The following AGAP3 variants were observed in gnomAD, a reference collection of about 807,000 sequenced individuals.
AGAP3 encodes arf-GAP with GTPase, ANK repeat and PH domain-containing protein 3.
Under a neutral mutation model 96.9 loss-of-function variants are expected in AGAP3, and 24 were observed. The observed-to-expected ratio is 0.25, with a 90% CI of 0.18 to 0.35. The LOEUF is 0.35. AGAP3 is among the 10% of genes least tolerant of loss of function. The pLI, the probability that AGAP3 is intolerant of heterozygous loss-of-function variation, is 1.00. For synonymous variants in AGAP3, 563 were observed against 536.1 expected, an observed-to-expected ratio of 1.05 and a Z score of -0.69; for missense variants, 876 against 1,254.2, an observed-to-expected ratio of 0.70 and a Z score of 4.55.
intron 11 of AGAP3, among the ~76,000 whole-genome samples, chr7:151,135,732 A>G (rs965475038): frequency 2.0e-5 from 3 of 152,200 alleles, no homozygotes. Context: ...GATGTACCCT[A>G]TGCAGTGGAT....
At position 151,129,226 on chromosome 7, in the gene AGAP3, C is replaced by T. The variant is rs370901482; in HGVS notation, c.1326+542C>T. Among the ~76,000 whole-genome samples the T allele has an allele frequency of 8.3e-4, 127 of 152,188 alleles. 1 individual carries two copies. The highest frequency in any genetic ancestry group is 2.8e-3 in the African/African-American group (116 of 41,500). On this transcript the variant is annotated intron_variant, in intron 10 of 17. Coordinates refer to ENST00000397238, the MANE Select transcript of AGAP3 (RefSeq NM_031946.7). ...CCCCACCCTTCTTTCCTCCCCTCCC[C>T]TCACCGCGTGGCTCCAGCACACAGC...
rs1405319082 is a variant in AGAP3 at position 151,142,142 on chromosome 7, GTC to G, written c.1960-16_1960-15del. 2 of 1,612,762 alleles carry G rather than the reference GTC, an allele frequency of 1.2e-6. No homozygotes were observed. The highest frequency in any genetic ancestry group is 1.1e-5 in the South Asian group (1 of 90,936). On this transcript the variant is annotated intron_variant, in intron 14 of 17. Transcript: ENST00000397238. The surrounding 1 kb of genome is among the most constrained non-coding windows in gnomAD (Gnocchi z 7.5). ...TGACTGACCAACCGCCCCTTGTCTT[GTC>G]TCTCCTGCTGTGCGACAGACTCGAC...
intron 1 of AGAP3, among the ~76,000 whole-genome samples, chr7:151,097,639 G>C (rs6970547): frequency 0.81 from 123,248 of 152,004 alleles, 50,361 homozygotes; most frequent in East Asian, 0.98. Context: ...AGCTTTTTAC[G>C]GGTGGCAGAA....
rs997986237 is a variant in AGAP3, at chr7:151,141,616, C to A, written c.1805-282C>A. ...ACCCCTCTCTGGTTTCACACCCATT[C>A]CCGGCAGTGCCAGGGGTGCCAAGAT... On this transcript the variant is annotated intron_variant, in intron 13 of 17. Coordinates refer to ENST00000397238, the MANE Select transcript of AGAP3 (RefSeq NM_031946.7). The surrounding 1 kb of genome is among the most constrained non-coding windows in gnomAD (Gnocchi z 4.2). The A allele has an allele frequency of 4.4e-6, 2 of 454,714 alleles. No homozygotes were observed. The highest frequency in any genetic ancestry group is 4.1e-6 in the Non-Finnish European group (1 of 246,656). 28.2% of individuals were successfully genotyped at this position (454,714 alleles called of 1,614,324 possible). A position where few individuals can be genotyped will look rare whatever the true frequency, so the allele number is the denominator to read the frequency against.
chr7:151,140,115 A>G lies in AGAP3; in HGVS notation c.1803A>G (p.Glu601=). The G allele has an allele frequency of 6.3e-7, 1 of 1,584,860 alleles. No homozygotes were observed. The highest frequency in any genetic ancestry group is 8.6e-7 in the Non-Finnish European group (1 of 1,166,882). Residue 601 remains glutamate, a splice_region_variant and synonymous_variant, in exon 13 of 18, where the codon GAA becomes GAG. Coordinates refer to ENST00000397238, the MANE Select transcript of AGAP3 (RefSeq NM_031946.7). This position sits in a 1 kb window ranked among gnomAD's most constrained non-coding sequence, Gnocchi z 5.4. ...PRPDGPSSAT[E]EAEESFEFVV... ...CAGACGGCCCCAGCAGTGCTACTGAAGGTTAGGGGGACCCAGAGGGAAACC... is the reference window on the plus strand; with the variant it reads ...CAGACGGCCCCAGCAGTGCTACTGAGGGTTAGGGGGACCCAGAGGGAAACC...
At position 151,116,821 on chromosome 7, in the gene AGAP3, G is replaced by T. The variant is rs146303814; in HGVS notation, c.360G>T (p.Thr120=). The T allele has an allele frequency of 1.2e-6, 2 of 1,614,104 alleles. No individual in the cohort carries two copies. The highest frequency in any genetic ancestry group is 3.3e-5 in the Admixed American group (2 of 60,024). The change falls in exon 2 of 18, where the codon ACG becomes ACT. Residue 120 remains threonine, a synonymous_variant. Coordinates refer to ENST00000397238, the MANE Select transcript of AGAP3 (RefSeq NM_031946.7). ...EDSFVNSQEW[T]LSRSVPELKV... is the part of the protein sequence containing the mutation. ...CGTTTGTGAACAGCCAGGAGTGGAC[G>T]CTGAGCCGCTCCGTACCGGAGCTTA... is the stretch of plus-strand genomic sequence containing the variant.
chr7:151,087,108 A>G, intron 1 of AGAP3, 36 bp downstream of exon 1: 1 of 1,560,512 alleles, frequency 6.4e-7, no homozygotes, highest in Non-Finnish European at 8.7e-7. Context: ...GCCGGGGCGC[A>G]GTGGCCTCTC....
chr7:151,114,489 G>T lies in AGAP3; in HGVS notation c.332-2304G>T, dbSNP rs999951529. 6.6e-6 allele frequency among the ~76,000 whole-genome samples: 1 copy of T among 152,288 alleles called. No homozygotes were observed. Among genetic ancestry groups the T allele is most frequent in the Non-Finnish European group, 1.5e-5 (1 of 68,026 alleles). Reference sequence around the variant, plus strand: ...CCCTGGGCTGGAATTTCCTGTTTTCGAGGGCTCCCAGGGGCTGCCCCAGCA... The same window carrying T: ...CCCTGGGCTGGAATTTCCTGTTTTCTAGGGCTCCCAGGGGCTGCCCCAGCA... On this transcript the variant is annotated intron_variant, in intron 1 of 17. Coordinates refer to ENST00000397238, the MANE Select transcript of AGAP3 (RefSeq NM_031946.7). The surrounding 1 kb of genome is among the most constrained non-coding windows in gnomAD (Gnocchi z 4.4).
At position 151,087,079 on chromosome 7, in the gene AGAP3, G is replaced by A; in HGVS notation, c.331+7G>A. 2 of 1,588,990 alleles carry A rather than the reference G, an allele frequency of 1.3e-6. No individual in the cohort carries two copies. The highest frequency in any genetic ancestry group is 8.6e-7 in the Non-Finnish European group (1 of 1,167,694). On this transcript the variant is annotated splice_region_variant and intron_variant, in intron 1 of 17. Coordinates refer to ENST00000397238, the MANE Select transcript of AGAP3 (RefSeq NM_031946.7). ...CACGTCATCTCCATCGAGGGTGAGC[G>A]GAGCCGGGGGCTGCGGGAGCCGGGG...
Position 151,115,164 on chromosome 7 carries a change from G to A in AGAP3, c.332-1629G>A, listed in dbSNP as rs1376515971. 7.7e-6 allele frequency: 8 copies of A among 1,039,862 alleles called. No individual in the cohort carries two copies. In the South Asian group the frequency reaches 2.3e-4, roughly 30 times the overall value. The allele number at this position is 1,039,862 out of a possible 1,614,324, so 64.4% of individuals were successfully genotyped here. On this transcript the variant is annotated intron_variant, in intron 1 of 17. Transcript: ENST00000397238. ...GCCGGCCAGCATGACTTTCCTGGAG[G>A]TGAACCGCCTGGAGCTGGCGGCCGC...
chr7:151,101,819 C>T (rs987815349), intron 1 of AGAP3, among the ~76,000 whole-genome samples: 2 of 152,198 alleles, frequency 1.3e-5, no homozygotes, highest in East Asian at 1.9e-4. Flanking sequence ...AATCATCTCC[C>T]ACCCCAGGCC....
At chr7:151,117,821 C>G (rs752935451) in intron 5 of AGAP3, 44 bp downstream of exon 5, 1 of 1,570,624 alleles carries the variant, frequency 6.4e-7, no homozygotes, top group Non-Finnish European at 8.6e-7. Flanking sequence ...CAGGAAGTCC[C>G]GGGCAACGAT....
intron 7 of AGAP3, 78 bp from the exon 8 acceptor site, chr7:151,119,909 C>G: frequency 6.8e-7 from 1 of 1,473,880 alleles, no homozygotes; most frequent in Non-Finnish European, 9.3e-7. Context: ...CCCATTAGCA[C>G]AGGGATTCCC....
At position 151,086,915 on chromosome 7, in the gene AGAP3, C is replaced by G. The variant is rs766154681; in HGVS notation, c.174C>G (p.Pro58=). 1 of 1,582,286 alleles carries G rather than the reference C, an allele frequency of 6.3e-7. No individual in the cohort carries two copies. Among genetic ancestry groups the G allele is most frequent in the Non-Finnish European group, 8.6e-7 (1 of 1,166,040 alleles). ...CGCAGCAGCTGGCCGGCGGGCCCCC[C>G]CAGCAGTTCGCGCTCTCCAACTCCG... ...GPSQQLAGGP[P]QQFALSNSAA... The change falls in exon 1 of 18, where the codon CCC becomes CCG. Residue 58 remains proline, a synonymous_variant. Coordinates refer to ENST00000397238, the MANE Select transcript of AGAP3 (RefSeq NM_031946.7).
rs567421348 is a variant in AGAP3, at chr7:151,144,059, G to A, written c.*116G>A. On this transcript the variant is annotated 3_prime_UTR_variant, in exon 18 of 18. Coordinates refer to ENST00000397238, the MANE Select transcript of AGAP3 (RefSeq NM_031946.7). ...AGAAGCAGGGACATGCTGAGAGGAC[G>A]AAGCCAAGGAAATTAGGGAGGAGAG... 13 of 1,125,268 alleles carry A rather than the reference G, an allele frequency of 1.2e-5. No individual in the cohort carries two copies. The highest frequency in any genetic ancestry group is 2.5e-4 in the Middle Eastern group (1 of 3,976). 69.7% of individuals were successfully genotyped at this position (1,125,268 alleles called of 1,614,324 possible).
At chr7:151,130,809 A>G (rs1180234632) in intron 10 of AGAP3, among the ~76,000 whole-genome samples, 1 of 150,480 alleles carries the variant, frequency 6.6e-6, no homozygotes, top group Non-Finnish European at 1.5e-5. Flanking sequence ...ACTTTATGTC[A>G]CGCCGCCACC....
intron 8 of AGAP3, chr7:151,123,019 TGGA>T: frequency 7.2e-7 from 1 of 1,381,414 alleles, no homozygotes. Context: ...GCTCGCTGCA[TGGA>T]GAAGAAGGCA....
rs1800775356 is a variant in AGAP3, at chr7:151,140,455, G to A, written c.1804+339G>A. On this transcript the variant is annotated intron_variant, in intron 13 of 17. Transcript: ENST00000397238. The surrounding 1 kb of genome is among the most constrained non-coding windows in gnomAD (Gnocchi z 5.4). ...CTTGTGTCATACCGAGTTTAATAAA[G>A]TGCTGGGTACTTACTAGGTGCGTAA... 1 of 174,278 alleles carries A rather than the reference G, an allele frequency of 5.7e-6. No homozygotes were observed. Among genetic ancestry groups the A allele is most frequent in the Non-Finnish European group, 1.2e-5 (1 of 83,074 alleles). The allele number at this position is 174,278 out of a possible 1,614,324, so 10.8% of individuals were successfully genotyped here.
intron 8 of AGAP3, 87 bp from the exon 9 acceptor site, chr7:151,123,707 G>A: frequency 6.3e-7 from 1 of 1,587,902 alleles, no homozygotes; most frequent in Non-Finnish European, 8.6e-7. Context: ...CAGGAGGAGG[G>A]AGGCAGGAGG....
Sources: allele counts gnomAD v4.1 joint callset (sites outside exome capture counted in the v4.1 genomes callset), GRCh38; gene constraint gnomAD v4.1.1; non-coding constraint Gnocchi (gnomAD v3.1); transcripts MANE v1.5; gene names NCBI Gene and HGNC (gene_info 2026-07-23, HGNC 2026-07-21).